GLRA3: variants seen among roughly 807,000 people sequenced by gnomAD.
GLRA3 encodes the protein glycine receptor alpha 3.
GLRA3 carries 44 observed loss-of-function variants against 60.4 expected under a neutral mutation model. The observed-to-expected ratio is 0.73, with a 90% confidence interval of 0.57 to 0.94. The LOEUF (loss-of-function observed/expected upper bound fraction) is 0.94. Ranked by LOEUF, GLRA3 falls within the 40% of genes least tolerant of loss-of-function variation. The probability of loss-of-function intolerance (pLI) is 0.00; values close to 1 mark genes in which losing one functional copy is unlikely to be tolerated. For synonymous variants in GLRA3, 223 were observed against 192.9 expected, an observed-to-expected ratio of 1.16 and a Z score of -1.29; for missense variants, 508 against 564.6, an observed-to-expected ratio of 0.90 and a Z score of 1.02.
At chr4:174,751,020 TTA>T (rs758786685) in intron 3 of GLRA3, among the ~76,000 whole-genome samples, 1 of 152,022 alleles carries the variant, frequency 6.6e-6, no homozygotes, top group Non-Finnish European at 1.5e-5. Flanking sequence ...AAGTTTACCC[TTA>T]TATCAGCTAA....
At chr4:174,759,579 T>C (rs1737859444) in intron 3 of GLRA3, among the ~76,000 whole-genome samples, 1 of 152,106 alleles carries the variant, frequency 6.6e-6, no homozygotes, top group Middle Eastern at 3.2e-3. Context: ...TTCTAAACTT[T>C]ATGAAAAGCC....
In GLRA3 at chr4:174,823,232, AAACT is replaced by A. The variant is rs772568415; in HGVS notation, c.71+5505_71+5508del. Among the ~76,000 whole-genome samples, 126 of 96,508 alleles carry A rather than the reference AAACT, an allele frequency of 1.3e-3. 1 individual carries two copies. Among genetic ancestry groups the A allele is most frequent in the Non-Finnish European group, 2.0e-3 (84 of 41,628 alleles). The allele number at this position is 96,508 out of a possible 152,430, so 63.3% of individuals were successfully genotyped here. A position where few individuals can be genotyped will look rare whatever the true frequency, so the allele number is the denominator to read the frequency against. The stretch of plus-strand genomic sequence containing the variant: ...ACCATCCACCTAATAAAAAAACAAA[AAACT>A]AAAACTCAAAAAAAAAATGTATTTC... On this transcript the variant is annotated intron_variant, in intron 1 of 9. Coordinates refer to ENST00000274093, the MANE Select transcript of GLRA3 (RefSeq NM_006529.4).
At chr4:174,663,064 G>A (rs902523524) in intron 7 of GLRA3, among the ~76,000 whole-genome samples, 1 of 152,042 alleles carries the variant, frequency 6.6e-6, no homozygotes, top group African/African-American at 2.4e-5. Context: ...ACCTTCAATT[G>A]GGTTGATTTT....
At chr4:174,764,328 A>G (rs944845200) in intron 3 of GLRA3, among the ~76,000 whole-genome samples, 8 of 152,156 alleles carry the variant, frequency 5.3e-5, no homozygotes, top group Non-Finnish European at 2.9e-5. Flanking sequence ...CAATATATTT[A>G]GCCAGTAAAG....
At chr4:174,689,256 A>G (rs1468508167) in intron 5 of GLRA3, among the ~76,000 whole-genome samples, 1 of 151,988 alleles carries the variant, frequency 6.6e-6, no homozygotes, top group Non-Finnish European at 1.5e-5. Flanking sequence ...AAATTTAGAA[A>G]GAAATCTAAG....
At position 174,639,372 on chromosome 4, in the gene GLRA3, ATGTGTGTGTGTGTGTGTG is replaced by A. The variant is rs10541642; in HGVS notation, c.*4396_*4413del. 1.4e-5 allele frequency: 2 copies of A among 146,650 alleles called. No individual in the cohort carries two copies. The highest frequency in any genetic ancestry group is 3.0e-5 in the Non-Finnish European group (2 of 66,642). The allele number at this position is 146,650 out of a possible 1,614,324, so 9.1% of individuals were successfully genotyped here. On this transcript the variant is annotated 3_prime_UTR_variant, in exon 10 of 10. Transcript: ENST00000274093. ...AATTCATCTCATTACCAATATGTGT[ATGTGTGTGTGTGTGTGTG>A]TGTGTGTGTGTGTGTGTGTGAAAGA...
At chr4:174,715,237 T>C (rs751506340) in intron 5 of GLRA3, among the ~76,000 whole-genome samples, 1 of 152,258 alleles carries the variant, frequency 6.6e-6, no homozygotes, top group Non-Finnish European at 1.5e-5. Flanking sequence ...ATGATGTGTA[T>C]GGAAACACAT....
chr4:174,764,865 A>G (rs545258122), intron 3 of GLRA3, among the ~76,000 whole-genome samples: 1 of 152,118 alleles, frequency 6.6e-6, no homozygotes, highest in African/African-American at 2.4e-5. Context: ...ATTAAAAATT[A>G]ATAAATATTG....
At chr4:174,778,679 AG>A (rs1223345989) in intron 2 of GLRA3, among the ~76,000 whole-genome samples, 1 of 152,260 alleles carries the variant, frequency 6.6e-6, no homozygotes, top group Non-Finnish European at 1.5e-5. Flanking sequence ...GCAAGGGGTC[AG>A]GGAGTTCCCT....
intron 5 of GLRA3, among the ~76,000 whole-genome samples, chr4:174,693,469 G>C (rs1478326003): frequency 6.6e-6 from 1 of 152,118 alleles, no homozygotes. Context: ...GATGGTTGTA[G>C]ATGTTTCATC....
In GLRA3 at chr4:174,644,052, T is replaced by G; in HGVS notation, c.1129A>C (p.Arg377=). The G allele has an allele frequency of 6.2e-7, 1 of 1,607,680 alleles. No homozygotes were observed. The highest frequency in any genetic ancestry group is 8.5e-7 in the Non-Finnish European group (1 of 1,175,454). Residue 377 remains arginine (R), a synonymous_variant, in exon 10 of 10, where the codon AGG becomes CGG. Coordinates refer to ENST00000274093, the MANE Select transcript of GLRA3 (RefSeq NM_006529.4). The part of the protein sequence containing the change: ...YRFSDMDDEV[R]ESRFSFTAYG... ...GCTGTGAAGCTGAATCGGCTTTCCC[T>G]TACCTCATCATCCTGTCAAAGAAAA...
At chr4:174,727,715 A>C (rs1033544880) in intron 4 of GLRA3, among the ~76,000 whole-genome samples, 1 of 152,154 alleles carries the variant, frequency 6.6e-6, no homozygotes, top group African/African-American at 2.4e-5. Flanking sequence ...TGAACTGCCA[A>C]AGTTAAGTGA....
intron 7 of GLRA3, among the ~76,000 whole-genome samples, chr4:174,668,331 A>G (rs1327518282): frequency 2.0e-5 from 3 of 152,158 alleles, no homozygotes; most frequent in Non-Finnish European, 4.4e-5. Flanking sequence ...CTTCATAACT[A>G]CGTTTACTTT....
chr4:174,681,359 T>G lies in GLRA3; in HGVS notation c.712+1443A>C, dbSNP rs4530608. On this transcript the variant is annotated intron_variant, in intron 6 of 9. Coordinates refer to ENST00000274093, the MANE Select transcript of GLRA3 (RefSeq NM_006529.4). ...CCCTAAGATTCATGTCCACCCAGAATGTGTGAATGTGAACTGACTTGAAAA... is the reference window on the plus strand; with the variant it reads ...CCCTAAGATTCATGTCCACCCAGAAGGTGTGAATGTGAACTGACTTGAAAA... 8.4e-3 allele frequency among the ~76,000 whole-genome samples: 1,281 copies of G among 152,300 alleles called. 20 individuals are homozygous for G. The highest frequency in any genetic ancestry group is 0.03 in the African/African-American group (1,227 of 41,546).
chr4:174,729,231 C>A (rs1351676552), intron 3 of GLRA3, among the ~76,000 whole-genome samples: 1 of 152,142 alleles, frequency 6.6e-6, no homozygotes, highest in Non-Finnish European at 1.5e-5. Flanking sequence ...AAGATATTTT[C>A]TTCTTTGCAT....
chr4:174,739,213 A>G (rs1453597487), intron 3 of GLRA3, among the ~76,000 whole-genome samples: 3 of 152,248 alleles, frequency 2.0e-5, no homozygotes, highest in Non-Finnish European at 4.4e-5. Context: ...AGCAAGAAGT[A>G]GGTTGCAAGG....
At position 174,643,989 on chromosome 4, in the gene GLRA3, T is replaced by C. The variant is rs1732711890; in HGVS notation, c.1192A>G (p.Met398Val). 3.7e-6 allele frequency: 6 copies of C among 1,613,958 alleles called. No homozygotes were observed. The highest frequency in any genetic ancestry group is 1.3e-5 in the African/African-American group (1 of 75,024). Reference protein sequence around the residue: ...MGPCLQAKDGMTPKGPNHPVQ... With the variant: ...MGPCLQAKDGVTPKGPNHPVQ... ...GGGTGGTTGGGGCCCTTTGGAGTCA[T>C]GCCATCCTTTGCTTGTAGACATGGT... The change falls in exon 10 of 10, where the codon ATG becomes GTG. Residue 398 changes from methionine (M) to valine (V), a missense_variant. Around this residue, in one of 3 missense-constraint regions of GLRA3, gnomAD observed 176 missense variants for 197.9 expected, o/e 0.89. Coordinates refer to ENST00000274093, the MANE Select transcript of GLRA3 (RefSeq NM_006529.4).
chr4:174,666,061 G>T (rs1018247390), intron 7 of GLRA3, among the ~76,000 whole-genome samples: 10 of 152,040 alleles, frequency 6.6e-5, no homozygotes, highest in Non-Finnish European at 1.3e-4. Flanking sequence ...TAACTCATAT[G>T]GTTCCAGAGC....
chr4:174,700,610 G>T (rs188266844), intron 5 of GLRA3, among the ~76,000 whole-genome samples: 2 of 152,292 alleles, frequency 1.3e-5, no homozygotes, highest in East Asian at 3.9e-4. Context: ...AGGTATGTTG[G>T]AAGCTTAGAT....
Sources: gnomAD v4.1 joint callset for allele counts (sites outside exome capture counted in the v4.1 genomes callset) on GRCh38, gnomAD v4.1.1 for gene constraint, gnomAD v4.1.1 regional missense constraint, MANE v1.5 for transcripts, NCBI Gene and HGNC (gene_info 2026-07-23, HGNC 2026-07-21) for gene names.